Variants in CC2D2B observed in about 807,000 individuals in gnomAD.
CC2D2B encodes coiled-coil and C2 domain containing 2B, also known as protein CC2D2B.
In CC2D2B, 128 loss-of-function variants were observed where a neutral mutation model predicts 161.2. The ratio of observed to expected loss-of-function variants is 0.79; its 90% CI spans 0.69 to 0.92. The LOEUF (loss-of-function observed/expected upper bound fraction) is 0.92, where lower values mean the gene tolerates loss of function less well. Among genes scored for constraint, CC2D2B ranks in the 40% least tolerant of loss-of-function variants. The pLI is 0.00. For synonymous variants in CC2D2B, 391 were observed against 449.8 expected, an observed-to-expected ratio of 0.87 and a Z score of 1.65; for missense variants, 1,173 against 1,375.1, an observed-to-expected ratio of 0.85 and a Z score of 2.32.
intron 6 of CC2D2B, among the ~76,000 whole-genome samples, chr10:95,937,759 T>A (rs933688727): frequency 4.6e-5 from 7 of 152,146 alleles, no homozygotes; most frequent in Non-Finnish European, 1.5e-5. Context: ...AGTCTTTCAG[T>A]GAAGAATTGC....
intron 24 of CC2D2B, among the ~76,000 whole-genome samples, chr10:95,998,186 C>A (rs776149338): frequency 1.3e-5 from 2 of 151,984 alleles, no homozygotes; most frequent in Non-Finnish European, 2.9e-5. Flanking sequence ...GCCCTCACCA[C>A]AGCACACACA....
Position 96,032,834 on chromosome 10 carries a change from ACT to A in CC2D2B, c.*829_*830del, listed in dbSNP as rs2080105306. 2.1e-6 allele frequency: 1 copy of A among 465,444 alleles called. No homozygotes were observed. Among genetic ancestry groups the A allele is most frequent in the Non-Finnish European group, 4.4e-6 (1 of 224,916 alleles). The allele number at this position is 465,444 out of a possible 1,614,324, so 28.8% of individuals were successfully genotyped here. A position where few individuals can be genotyped will look rare whatever the true frequency, so the allele number is the denominator to read the frequency against. ...GGAAATGGTCTTGACAAATCTCAGG[ACT>A]CTTTTTTTCCTTAGTGAGCAGCCCC... On this transcript the variant is annotated 3_prime_UTR_variant, in exon 35 of 35. Coordinates refer to ENST00000646931, the MANE Select transcript of CC2D2B (RefSeq NM_001349008.3).
intron 33 of CC2D2B, 80 bp from the exon 34 acceptor site, chr10:96,027,132 A>AG: frequency 1.7e-6 from 2 of 1,149,004 alleles, no homozygotes; most frequent in Non-Finnish European, 2.4e-6. Flanking sequence ...TCAAAAAAAA[A>AG]AAAAAGTCAC....
intron 12 of CC2D2B, among the ~76,000 whole-genome samples, chr10:95,963,873 C>T (rs533469725): frequency 6.6e-6 from 1 of 152,200 alleles, no homozygotes; most frequent in Admixed American, 6.5e-5. Context: ...AGGAGATAGC[C>T]CTGTCTTCTC....
chr10:96,011,553 A>T (rs1318896631), intron 26 of CC2D2B, among the ~76,000 whole-genome samples: 1 of 152,048 alleles, frequency 6.6e-6, no homozygotes, highest in Non-Finnish European at 1.5e-5. Flanking sequence ...ATTAGCTATT[A>T]TGCATTTTTT....
chr10:95,943,821 T>C (rs1423585144), intron 9 of CC2D2B, among the ~76,000 whole-genome samples: 2 of 152,146 alleles, frequency 1.3e-5, no homozygotes, highest in African/African-American at 4.8e-5. Flanking sequence ...CATTATTATA[T>C]ATGAAAAATT....
At chr10:95,982,338 C>T (rs1287157339) in intron 18 of CC2D2B, among the ~76,000 whole-genome samples, 1 of 152,216 alleles carries the variant, frequency 6.6e-6, no homozygotes, top group Non-Finnish European at 1.5e-5. Context: ...GATGGATGGT[C>T]CTCTGCCACT....
chr10:95,949,737 T>C lies in CC2D2B; in HGVS notation c.802-159T>C, dbSNP rs538990747. ...ATATATTTGATGAAATTAAGGGCCA[T>C]AATCAATTTAAGGAAAAGGAATCAA... On this transcript the variant is annotated intron_variant, in intron 9 of 34. Coordinates refer to ENST00000646931, the MANE Select transcript of CC2D2B (RefSeq NM_001349008.3). Among the ~76,000 whole-genome samples, 4 of 152,106 alleles carry C rather than the reference T, an allele frequency of 2.6e-5. No individual in the cohort carries two copies. The South Asian group carries it at 8.3e-4, about 32-fold the overall frequency.
At chr10:95,910,663 T>C (rs2098504753) in intron 1 of CC2D2B, among the ~76,000 whole-genome samples, 1 of 152,356 alleles carries the variant, frequency 6.6e-6, no homozygotes, top group Middle Eastern at 3.4e-3. Context: ...AACATCCAAA[T>C]AGATCTCTAG....
At chr10:95,999,841 G>T in intron 24 of CC2D2B, 2 of 480,944 alleles carry the variant, frequency 4.2e-6, no homozygotes, top group South Asian at 1.8e-5. Flanking sequence ...TCTCACAAAG[G>T]GTGCTTCTCT....
chr10:96,009,878 T>C lies in CC2D2B; in HGVS notation c.3000T>C (p.Leu1000=). 6.2e-7 allele frequency: 1 copy of C among 1,610,560 alleles called. No individual in the cohort carries two copies. Among genetic ancestry groups the C allele is most frequent in the Non-Finnish European group, 8.5e-7 (1 of 1,177,630 alleles). Residue 1000 remains leucine (L), a synonymous_variant, in exon 26 of 35, where the codon CTT becomes CTC. Transcript: ENST00000646931. ...ACTCATATATAAGAAAGAATTGGCT[T>C]GGATGCATTGTCTTCCCTTTTTCTG... ...SGHSYIRKNW[L]GCIVFPFSAL...
At chr10:95,996,912 A>T (rs1162690389) in intron 24 of CC2D2B, among the ~76,000 whole-genome samples, 1 of 152,202 alleles carries the variant, frequency 6.6e-6, no homozygotes, top group Non-Finnish European at 1.5e-5. Context: ...TAATGTCATT[A>T]TAAAAAGGGC....
At chr10:95,988,469 A>T in intron 20 of CC2D2B, 127 bp downstream of exon 20, 1 of 399,992 alleles carries the variant, frequency 2.5e-6, no homozygotes, top group Non-Finnish European at 4.4e-6. Flanking sequence ...CCTCTTTCAG[A>T]TCACTGAGGA....
intron 9 of CC2D2B, 124 bp downstream of exon 9, chr10:95,939,049 C>G (rs2075929218): frequency 6.5e-6 from 3 of 464,516 alleles, no homozygotes; most frequent in African/African-American, 6.1e-5. Flanking sequence ...ATGTCTAAAT[C>G]ATGATGAAAT....
chr10:95,971,388 CA>C (rs200214465), intron 15 of CC2D2B, among the ~76,000 whole-genome samples: 7,507 of 99,530 alleles, frequency 0.075, 199 homozygotes, highest in African/African-American at 0.13. Context: ...GACTCAACCT[CA>C]AAAAAAAAAA....
rs2098516701 is a variant in CC2D2B at position 95,916,521 on chromosome 10, T to G, written c.36+5162T>G. The stretch of plus-strand genomic sequence containing the variant: ...ATTTTTTTTCTTTTAAAAAATTTTT[T>G]GACATAGACACTTATTGCTGTAAAC... On this transcript the variant is annotated intron_variant, in intron 2 of 34. Transcript: ENST00000646931. Among the ~76,000 whole-genome samples, 3 of 152,114 alleles carry G rather than the reference T, an allele frequency of 2.0e-5. No homozygotes were observed. The South Asian group carries it at 6.2e-4, about 31-fold the overall frequency.
intron 33 of CC2D2B, 45 bp from the exon 34 acceptor site, chr10:96,027,167 T>G: frequency 2.3e-6 from 3 of 1,282,620 alleles, no homozygotes; most frequent in Non-Finnish European, 3.1e-6. Flanking sequence ...ATTTACCAAA[T>G]GAGTTATAAC....
At chr10:95,933,932 T>C (rs1041782279) in intron 6 of CC2D2B, among the ~76,000 whole-genome samples, 2 of 152,206 alleles carry the variant, frequency 1.3e-5, no homozygotes, top group Non-Finnish European at 2.9e-5. Context: ...TGCTGCTCTC[T>C]TCAGAGCTGG....
Position 95,927,224 on chromosome 10 carries a change from TG to T in CC2D2B, c.241-11del. ...AAGTGTTTATTTCAACACTAAATAC[TG>T]GTTTATCATAGTTGTCTCCACAGAC... On this transcript the variant is annotated splice_polypyrimidine_tract_variant and intron_variant, in intron 5 of 34. Coordinates refer to ENST00000646931, the MANE Select transcript of CC2D2B (RefSeq NM_001349008.3). 6.9e-7 allele frequency: 1 copy of T among 1,445,610 alleles called. No homozygotes were observed. Among genetic ancestry groups the T allele is most frequent in the South Asian group, 1.3e-5 (1 of 79,904 alleles). The allele number at this position is 1,445,610 out of a possible 1,614,324, so 89.5% of individuals were successfully genotyped here.
Sources: gnomAD v4.1 joint callset for allele counts (sites outside exome capture counted in the v4.1 genomes callset) on GRCh38, gnomAD v4.1.1 for gene constraint, MANE v1.5 for transcripts, NCBI Gene and HGNC (gene_info 2026-07-23, HGNC 2026-07-21) for gene names.